The following ATP2B3 variants were observed in gnomAD, a reference collection of about 807,000 sequenced individuals.
ATP2B3 encodes the protein plasma membrane calcium-transporting ATPase 3.
Under a neutral mutation model 70.8 loss-of-function variants are expected in ATP2B3, and 12 were observed. That is an observed-to-expected ratio of 0.17 (90% CI 0.11 to 0.27). The LOEUF is 0.27. ATP2B3 is among the 10% of genes least tolerant of loss of function. ATP2B3 has a pLI of 1.00. For missense variants in ATP2B3, 858 were observed against 1,118.5 expected (o/e 0.77, Z 3.32); for synonymous variants, 460 against 497.8 (o/e 0.92, Z 1.01).
rs144849555 is a variant in ATP2B3, at chrX:153,523,433, C to G, written c.-127+4882C>G. Among the ~76,000 whole-genome samples the G allele has an allele frequency of 9.6e-3, 1,074 of 112,242 alleles. 14 individuals are homozygous for G. The highest frequency in any genetic ancestry group is 0.033 in the African/African-American group (1,020 of 30,868). On this transcript the variant is annotated intron_variant, in intron 2 of 21. Coordinates refer to ENST00000263519, the MANE Select transcript of ATP2B3 (RefSeq NM_001001344.3). The stretch of plus-strand genomic sequence containing the variant: ...ATGCGTGAGCTCTGCTGAGGAGCCT[C>G]TGTCCTGAGGAGAGGGCCCAGGCAG...
At chrX:153,568,004 T>C (rs1306225850) in intron 21 of ATP2B3, among the ~76,000 whole-genome samples, 1 of 111,836 alleles carries the variant, frequency 8.9e-6, no homozygotes, top group African/African-American at 3.3e-5. Context: ...AAGAAAAACA[T>C]TTCCTAGGCA....
intron 15 of ATP2B3, among the ~76,000 whole-genome samples, chrX:153,556,649 A>G (rs782259478): frequency 8.9e-6 from 1 of 112,400 alleles, no homozygotes; most frequent in African/African-American, 3.2e-5. Flanking sequence ...CAGTGGGTCT[A>G]GAGCCAGGGA....
At chrX:153,546,262 G>T in intron 8 of ATP2B3, 133 bp downstream of exon 8, 1 of 801,117 alleles carries the variant, frequency 1.2e-6, no homozygotes. Flanking sequence ...GAGTGGGCTG[G>T]CTGCACAGTC....
intron 12 of ATP2B3, among the ~76,000 whole-genome samples, chrX:153,551,823 C>G (rs1189682823): frequency 8.9e-6 from 1 of 112,699 alleles, no homozygotes; most frequent in Non-Finnish European, 1.9e-5. Context: ...CCCACTCCCA[C>G]TCAGCCTTCC....
chrX:153,529,560 G>A (rs890745204), intron 2 of ATP2B3, among the ~76,000 whole-genome samples: 5 of 112,124 alleles, frequency 4.5e-5, no homozygotes, highest in South Asian at 3.7e-4. Flanking sequence ...TATTGTGGTG[G>A]CATAGACATC....
chrX:153,549,959 C>G (rs912557834), intron 11 of ATP2B3, 86 bp from the exon 12 acceptor site: 2 of 1,160,285 alleles, frequency 1.7e-6, no homozygotes, highest in African/African-American at 3.5e-5. Context: ...ATGTGGTGAC[C>G]ACGAGGGGGC....
At chrX:153,569,599 A>G in intron 21 of ATP2B3, 1 of 1,209,549 alleles carries the variant, frequency 8.3e-7, no homozygotes, top group Non-Finnish European at 1.1e-6. Context: ...TTTCTCTCCC[A>G]CAGATGGAGG....
At chrX:153,578,786 G>C (rs1299591533) in intron 21 of ATP2B3, among the ~76,000 whole-genome samples, 4 of 112,083 alleles carry the variant, frequency 3.6e-5, no homozygotes, top group African/African-American at 1.3e-4. Context: ...CAGCAGAGAC[G>C]CAAGTTTTGG....
intron 15 of ATP2B3, among the ~76,000 whole-genome samples, chrX:153,556,643 G>A (rs944211745): frequency 2.7e-5 from 3 of 112,206 alleles, no homozygotes; most frequent in Non-Finnish European, 5.6e-5. Context: ...TAGAAGCAGT[G>A]GGTCTAGAGC....
In ATP2B3 at chrX:153,548,737, G is replaced by A. The variant is rs782674668; in HGVS notation, c.1221G>A (p.Thr407=). 133 of 1,209,628 alleles carry A rather than the reference G, an allele frequency of 1.1e-4. No homozygotes were observed. The highest frequency in any genetic ancestry group is 1.4e-4 in the Non-Finnish European group (125 of 895,122). ...VEGRTWLAEC[T]PVYVQYFVKF... ...GCCGGACATGGCTGGCAGAGTGCAC[G>A]CCGGTCTATGTACAATACTTCGTGA... Residue 407 remains threonine (T), a synonymous_variant, in exon 10 of 22, where the codon ACG becomes ACA. Coordinates refer to ENST00000263519, the MANE Select transcript of ATP2B3 (RefSeq NM_001001344.3).
intron 21 of ATP2B3, among the ~76,000 whole-genome samples, chrX:153,578,705 G>A (rs781788599): frequency 8.9e-6 from 1 of 112,603 alleles, no homozygotes; most frequent in Admixed American, 9.3e-5. Flanking sequence ...GGGAAGTTCC[G>A]CTGATCTGAG....
intron 2 of ATP2B3, among the ~76,000 whole-genome samples, chrX:153,519,042 C>T (rs1024672312): frequency 9.0e-6 from 1 of 111,666 alleles, no homozygotes; most frequent in African/African-American, 3.3e-5. Context: ...CTCCTTTGCC[C>T]ACTAGGATCT....
In ATP2B3 at chrX:153,557,008, C is replaced by T. The variant is rs371154839; in HGVS notation, c.2418C>T (p.Asp806=). Residue 806 remains aspartate (D), a synonymous_variant, in exon 16 of 22, where the codon GAC becomes GAT. Transcript: ENST00000263519. ...TNDGPALKKA[D]VGFAMGIAGT... ...ATGGGCCGGCCCTCAAGAAGGCGGA[C>T]GTGGGCTTCGCCATGGTAAGCCACC... The T allele has an allele frequency of 1.9e-5, 23 of 1,182,178 alleles. No homozygotes were observed. Among genetic ancestry groups the T allele is most frequent in the Non-Finnish European group, 2.2e-5 (19 of 880,633 alleles).
intron 21 of ATP2B3, among the ~76,000 whole-genome samples, chrX:153,567,454 G>A (rs1231113345): frequency 3.5e-5 from 4 of 112,946 alleles, no homozygotes; most frequent in Non-Finnish European, 7.5e-5. Context: ...GGGGTGGGGG[G>A]TGAGGACAGC....
At chrX:153,546,171 T>G in intron 8 of ATP2B3, 42 bp downstream of exon 8, 2 of 1,203,746 alleles carry the variant, frequency 1.7e-6, no homozygotes, top group South Asian at 1.8e-5. Flanking sequence ...CTTGGAGCCC[T>G]GGGGGTGGGG....
intron 7 of ATP2B3, among the ~76,000 whole-genome samples, chrX:153,543,594 G>A (rs1381795359): frequency 8.9e-6 from 1 of 112,640 alleles, no homozygotes; most frequent in Non-Finnish European, 1.9e-5. Context: ...ACAGGTGAGG[G>A]CCGGGCAGCC....
At position 153,556,247 on chromosome X, in the gene ATP2B3, C is replaced by G; in HGVS notation, c.2238+19C>G. ...AGGCGAGGTAGCACCCGGCTGTCTG[C>G]CACCCCAGACCCCCCTTCTCCTCAC... On this transcript the variant is annotated intron_variant, in intron 14 of 21. Transcript: ENST00000263519. 1 of 1,204,141 alleles carries G rather than the reference C, an allele frequency of 8.3e-7. No individual in the cohort carries two copies. Among genetic ancestry groups the G allele is most frequent in the South Asian group, 1.8e-5 (1 of 55,997 alleles).
intron 2 of ATP2B3, among the ~76,000 whole-genome samples, chrX:153,522,897 T>G (rs1364143339): frequency 2.2e-3 from 2 of 896 alleles, no homozygotes; most frequent in Non-Finnish European, 0.015. Context: ...AGACGTGGGT[T>G]TTTTTTTTTT....
chrX:153,560,813 G>C lies in ATP2B3; in HGVS notation c.2977G>C (p.Glu993Gln), dbSNP rs1166768623. Residue 993 changes from glutamate (E) to glutamine (Q), a missense_variant, in exon 19 of 22, where the codon GAG becomes CAG. Around this residue, in one of 5 missense-constraint regions of ATP2B3, gnomAD observed 265 missense variants for 305.3 expected, o/e 0.87. Coordinates refer to ENST00000263519, the MANE Select transcript of ATP2B3 (RefSeq NM_001001344.3). ...NEINARKIHGERNVFDGIFSN... is the reference protein window; with the variant it reads ...NEINARKIHGQRNVFDGIFSN... ...GATCAACGCCCGCAAGATCCACGGC[G>C]AGAGGAACGTGTTCGACGGCATCTT... is the stretch of plus-strand genomic sequence containing the variant. 2 of 1,210,417 alleles carry C rather than the reference G, an allele frequency of 1.7e-6. No homozygotes were observed. The highest frequency in any genetic ancestry group is 3.5e-5 in the African/African-American group (2 of 57,292).
Sources: allele counts gnomAD v4.1 joint callset (sites outside exome capture counted in the v4.1 genomes callset), GRCh38; gene constraint gnomAD v4.1.1; regional missense constraint gnomAD v4.1.1; transcripts MANE v1.5; gene names NCBI Gene and HGNC (gene_info 2026-07-23, HGNC 2026-07-21).